Variants in JAKMIP2 observed in about 807,000 individuals in gnomAD.
The protein encoded by JAKMIP2 is janus kinase and microtubule interacting protein 2.
JAKMIP2 carries 25 observed loss-of-function variants against 115.0 expected under a neutral mutation model. The observed-to-expected ratio is 0.22, with a 90% CI of 0.16 to 0.30. The LOEUF is 0.30. Ranked by LOEUF, JAKMIP2 falls within the 10% of genes least tolerant of loss-of-function variation. JAKMIP2 has a pLI of 1.00. For synonymous variants in JAKMIP2, 334 were observed against 343.6 expected, an observed-to-expected ratio of 0.97 and a Z score of 0.31; for missense variants, 642 against 957.6, an observed-to-expected ratio of 0.67 and a Z score of 4.35.
intron 1 of JAKMIP2, among the ~76,000 whole-genome samples, chr5:147,709,521 T>C (rs1752702889): frequency 6.6e-6 from 1 of 152,228 alleles, no homozygotes; most frequent in African/African-American, 2.4e-5. Context: ...ATCGATGACT[T>C]ACTGTGAAGT....
At chr5:147,737,190 A>G (rs913690221) in intron 1 of JAKMIP2, among the ~76,000 whole-genome samples, 2 of 152,230 alleles carry the variant, frequency 1.3e-5, no homozygotes, top group Admixed American at 6.5e-5. Context: ...AAAACTAACT[A>G]TACAGCAGAA....
chr5:147,665,275 C>T (rs1035246527), intron 2 of JAKMIP2, among the ~76,000 whole-genome samples: 3 of 152,162 alleles, frequency 2.0e-5, no homozygotes, highest in African/African-American at 7.2e-5. Flanking sequence ...ACTGTCTAGT[C>T]CACAAAGCCT....
chr5:147,715,496 TAAA>T (rs912605700), intron 1 of JAKMIP2, among the ~76,000 whole-genome samples: 1 of 150,950 alleles, frequency 6.6e-6, no homozygotes, highest in Non-Finnish European at 1.5e-5. Context: ...ATATATAACA[TAAA>T]AACAAAATTT....
At chr5:147,727,437 C>G (rs114034699) in intron 1 of JAKMIP2, among the ~76,000 whole-genome samples, 17,152 of 152,214 alleles carry the variant, frequency 0.11, 1,196 homozygotes, top group Middle Eastern at 0.19. Context: ...TCAGAGGCCT[C>G]AGGAAACTTA....
At chr5:147,685,241 G>A (rs771647916) in intron 1 of JAKMIP2, among the ~76,000 whole-genome samples, 4 of 152,156 alleles carry the variant, frequency 2.6e-5, no homozygotes, top group Non-Finnish European at 4.4e-5. Context: ...CTAGGCAATA[G>A]TCAAAGAGAG....
intron 1 of JAKMIP2, among the ~76,000 whole-genome samples, chr5:147,689,988 G>T (rs1047728746): frequency 6.6e-6 from 1 of 152,106 alleles, no homozygotes; most frequent in African/African-American, 2.4e-5. Flanking sequence ...ACTTCATGAC[G>T]ATCTAGCCCA....
At chr5:147,602,346 G>A (rs1225372412) in intron 20 of JAKMIP2, among the ~76,000 whole-genome samples, 1 of 152,202 alleles carries the variant, frequency 6.6e-6, no homozygotes, top group African/African-American at 2.4e-5. Context: ...ATTACTCACA[G>A]TGGAACATTT....
intron 1 of JAKMIP2, among the ~76,000 whole-genome samples, chr5:147,771,134 C>A (rs1755338123): frequency 6.6e-6 from 1 of 152,058 alleles, no homozygotes; most frequent in Non-Finnish European, 1.5e-5. Context: ...CTTTAATTTT[C>A]AGAATCACAA....
chr5:147,623,805 A>G, intron 16 of JAKMIP2, 116 bp from the exon 17 acceptor site: 1 of 596,378 alleles, frequency 1.7e-6, no homozygotes. Flanking sequence ...AAGACTGAGA[A>G]CTGAAGCAAA....
intron 1 of JAKMIP2, among the ~76,000 whole-genome samples, chr5:147,770,058 C>T (rs887197208): frequency 6.6e-6 from 1 of 152,006 alleles, no homozygotes; most frequent in Non-Finnish European, 1.5e-5. Flanking sequence ...CCCTTTAAAA[C>T]GTATGTATAT....
rs181054853 is a variant in JAKMIP2, at chr5:147,746,325, C to T, written c.-149+36131G>A. On this transcript the variant is annotated intron_variant, in intron 1 of 21. Coordinates refer to ENST00000616793, the MANE Select transcript of JAKMIP2 (RefSeq NM_001270941.2). ...ATCAAATTCTCTCCCAGAAAAAGCT[C>T]GATGACCTGGGTTGTACTCATGGAC... Among the ~76,000 whole-genome samples the T allele has an allele frequency of 7.3e-3, 1,108 of 152,178 alleles. 12 individuals are homozygous for T. The highest frequency in any genetic ancestry group is 0.031 in the Middle Eastern group (9 of 294).
At chr5:147,738,451 T>C (rs564760469) in intron 1 of JAKMIP2, among the ~76,000 whole-genome samples, 55 of 152,346 alleles carry the variant, frequency 3.6e-4, no homozygotes, top group African/African-American at 1.3e-3. Context: ...TATGTCATTA[T>C]AGATGAACAT....
intron 1 of JAKMIP2, among the ~76,000 whole-genome samples, chr5:147,689,661 G>C (rs1191799988): frequency 6.6e-6 from 1 of 152,170 alleles, no homozygotes; most frequent in African/African-American, 2.4e-5. Context: ...AATGTATAAA[G>C]CTCTCACTCT....
At chr5:147,667,148 G>A (rs1289207288) in intron 2 of JAKMIP2, among the ~76,000 whole-genome samples, 1 of 152,084 alleles carries the variant, frequency 6.6e-6, no homozygotes, top group East Asian at 1.9e-4. Flanking sequence ...GACACTTGGG[G>A]TGCGTATGGG....
chr5:147,602,101 T>C (rs1310152776), intron 20 of JAKMIP2, among the ~76,000 whole-genome samples: 1 of 152,216 alleles, frequency 6.6e-6, no homozygotes, highest in African/African-American at 2.4e-5. Context: ...AGTAAATCAA[T>C]AGTTTAATTT....
In JAKMIP2 at chr5:147,639,632, C is replaced by T; in HGVS notation, c.1530G>A (p.Lys510=). 1 of 1,612,538 alleles carries T rather than the reference C, an allele frequency of 6.2e-7. No homozygotes were observed. The highest frequency in any genetic ancestry group is 8.5e-7 in the Non-Finnish European group (1 of 1,179,378). Residue 510 remains lysine, a splice_region_variant and synonymous_variant, in exon 10 of 22, where the codon AAG becomes AAA. Coordinates refer to ENST00000616793, the MANE Select transcript of JAKMIP2 (RefSeq NM_001270941.2). ...GGIIDAEREA[K]AQEQLQAEVL... is the part of the protein sequence containing the mutation. The stretch of plus-strand genomic sequence containing the variant: ...AGCACTCTCACAGATACACACTAAC[C>T]TTGGCTTCTCGTTCAGCGTCGATGA...
At chr5:147,765,020 C>CAG (rs1296622120) in intron 1 of JAKMIP2, among the ~76,000 whole-genome samples, 1 of 30,476 alleles carries the variant, frequency 3.3e-5, no homozygotes, top group Non-Finnish European at 7.0e-5. Context: ...GAAAGGGAGA[C>CAG]AGAGAGAGAG....
At chr5:147,726,369 G>A (rs1254378870) in intron 1 of JAKMIP2, among the ~76,000 whole-genome samples, 1 of 152,136 alleles carries the variant, frequency 6.6e-6, no homozygotes, top group African/African-American at 2.4e-5. Context: ...GGTGTGGCGA[G>A]CCAAGTCACT....
At chr5:147,693,648 T>C (rs1442410366) in intron 1 of JAKMIP2, among the ~76,000 whole-genome samples, 1 of 149,440 alleles carries the variant, frequency 6.7e-6, no homozygotes, top group African/African-American at 2.4e-5. Context: ...CAAAATAAAA[T>C]GTTACAATAA....
Sources: allele counts gnomAD v4.1 joint callset (sites outside exome capture counted in the v4.1 genomes callset), GRCh38; gene constraint gnomAD v4.1.1; transcripts MANE v1.5; gene names NCBI Gene and HGNC (gene_info 2026-07-23, HGNC 2026-07-21).